Variants in PRELID2 observed in about 807,000 individuals in gnomAD.
PRELID2 encodes PRELI domain-containing protein 2.
A neutral mutation model predicts 28.4 loss-of-function variants in PRELID2; 25 were observed. The ratio of observed to expected loss-of-function variants is 0.88; its 90% CI spans 0.64 to 1.23. The LOEUF (loss-of-function observed/expected upper bound fraction) is 1.23, where lower values mean the gene tolerates loss of function less well. Ranked by LOEUF, PRELID2 falls within the 50% of genes most tolerant of loss-of-function variation. PRELID2 has a pLI of 0.00. For missense variants in PRELID2, 201 were observed against 214.4 expected, an observed-to-expected ratio of 0.94 and a Z score of 0.39; for synonymous variants, 76 against 71.6, an observed-to-expected ratio of 1.06 and a Z score of -0.31.
At chr5:145,689,297 T>C (rs542056359) in intron 1 of PRELID2, among the ~76,000 whole-genome samples, 9 of 150,828 alleles carry the variant, frequency 6.0e-5, no homozygotes, top group Admixed American at 4.0e-4. Flanking sequence ...CTTAGAGTGT[T>C]AAAAAAAAGA....
At chr5:145,262,257 T>G in the PRELID2 span, among the ~76,000 whole-genome samples, 1 of 151,922 alleles carries the variant, frequency 6.6e-6, no homozygotes, top group African/African-American at 2.4e-5. Context: ...GAAATCTAAG[T>G]TTGGAAAACA....
At chr5:145,520,361 T>C (rs942193177) in intron 1 of PRELID2, among the ~76,000 whole-genome samples, 5 of 152,208 alleles carry the variant, frequency 3.3e-5, no homozygotes, top group Non-Finnish European at 7.3e-5. Flanking sequence ...GAGGTAACAA[T>C]GACAAGCTTA....
chr5:145,466,316 A>G, the PRELID2 span, among the ~76,000 whole-genome samples: 1 of 152,080 alleles, frequency 6.6e-6, no homozygotes, highest in Non-Finnish European at 1.5e-5. Flanking sequence ...AATTAATACC[A>G]TTTTTCATTA....
intron 1 of PRELID2, among the ~76,000 whole-genome samples, chr5:145,636,978 A>T (rs775652212): frequency 6.6e-6 from 1 of 152,194 alleles, no homozygotes; most frequent in Non-Finnish European, 1.5e-5. Context: ...CAACGGAAAG[A>T]TGAAGTGAAC....
At chr5:145,697,994 AT>A (rs200439284) in intron 1 of PRELID2, among the ~76,000 whole-genome samples, 50 of 146,452 alleles carry the variant, frequency 3.4e-4, no homozygotes, top group African/African-American at 1.1e-3. Flanking sequence ...CTCAAAAAAA[AT>A]ATATATATAT....
chr5:145,300,171 AT>A, the PRELID2 span, among the ~76,000 whole-genome samples: 1 of 152,090 alleles, frequency 6.6e-6, no homozygotes, highest in Non-Finnish European at 1.5e-5. Context: ...GCCATTTCAA[AT>A]TTGCTCTTGT....
intron 1 of PRELID2, among the ~76,000 whole-genome samples, chr5:145,667,835 G>T (rs752235451): frequency 6.6e-6 from 1 of 152,076 alleles, no homozygotes; most frequent in Non-Finnish European, 1.5e-5. Context: ...AGACACACAT[G>T]CCAATTGTAG....
the PRELID2 span, among the ~76,000 whole-genome samples, chr5:145,306,474 G>T: frequency 1.8e-4 from 27 of 151,730 alleles, 1 homozygote; most frequent in East Asian, 5.2e-3. Flanking sequence ...CAGTTTAATA[G>T]AAAAATATAA....
chr5:145,777,345 G>A (rs1240538868), intron 5 of PRELID2, among the ~76,000 whole-genome samples: 1 of 152,072 alleles, frequency 6.6e-6, no homozygotes, highest in East Asian at 1.9e-4. Flanking sequence ...TGGGATTACA[G>A]GCATGCATGA....
chr5:145,507,651 A>C (rs996157110), intron 1 of PRELID2, among the ~76,000 whole-genome samples: 1 of 152,116 alleles, frequency 6.6e-6, no homozygotes, highest in Non-Finnish European at 1.5e-5. Context: ...AGTGTTTGCA[A>C]GTGCTGAGGG....
chr5:145,478,375 G>T (rs190404454), intron 1 of PRELID2, among the ~76,000 whole-genome samples: 1 of 151,936 alleles, frequency 6.6e-6, no homozygotes, highest in Non-Finnish European at 1.5e-5. Flanking sequence ...GTGAAACCCC[G>T]TCTCTACTAA....
chr5:145,461,493 G>T, the PRELID2 span, among the ~76,000 whole-genome samples: 1 of 152,178 alleles, frequency 6.6e-6, no homozygotes, highest in South Asian at 2.1e-4. Flanking sequence ...TAGTAGAGAT[G>T]GGGTTTCACC....
the PRELID2 span, among the ~76,000 whole-genome samples, chr5:145,388,360 A>T: frequency 6.6e-6 from 1 of 152,338 alleles, no homozygotes; most frequent in East Asian, 1.9e-4. Context: ...GCAAGTGAAA[A>T]CATGGAAACA....
chr5:145,692,315 T>C lies in PRELID2; in HGVS notation n.70+72616A>G, dbSNP rs138595531. On this transcript the variant is annotated intron_variant and non_coding_transcript_variant, in intron 1 of 2. Coordinates refer to the PRELID2 transcript ENST00000510259. ...CAGTCGATGGGACAGGAAAGGTTTATATGTATTTTTGTCCAGCCAATTCTA... is the reference window on the plus strand; with the variant it reads ...CAGTCGATGGGACAGGAAAGGTTTACATGTATTTTTGTCCAGCCAATTCTA... 2.2e-3 allele frequency among the ~76,000 whole-genome samples: 338 copies of C among 152,322 alleles called. 1 individual carries two copies. The highest frequency in any genetic ancestry group is 7.9e-3 in the African/African-American group (328 of 41,572).
At chr5:145,497,804 A>G (rs1752321814) in intron 1 of PRELID2, among the ~76,000 whole-genome samples, 1 of 152,350 alleles carries the variant, frequency 6.6e-6, no homozygotes, top group Admixed American at 6.5e-5. Context: ...AAGTGAACCT[A>G]ATGCTGGAGT....
At chr5:145,321,157 A>C in the PRELID2 span, among the ~76,000 whole-genome samples, 1 of 152,224 alleles carries the variant, frequency 6.6e-6, no homozygotes, top group African/African-American at 2.4e-5. Flanking sequence ...ATAGCACAGT[A>C]GCTGTGTTAG....
chr5:145,356,526 C>G, the PRELID2 span, among the ~76,000 whole-genome samples: 1 of 151,116 alleles, frequency 6.6e-6, no homozygotes, highest in South Asian at 2.1e-4. Context: ...TCTGTAATAC[C>G]TTTGTCTTTT....
At chr5:145,510,126 A>G (rs1752448725) in intron 1 of PRELID2, among the ~76,000 whole-genome samples, 1 of 152,198 alleles carries the variant, frequency 6.6e-6, no homozygotes, top group South Asian at 2.1e-4. Flanking sequence ...AATGCTCTAC[A>G]TAAAATAGCT....
intron 1 of PRELID2, among the ~76,000 whole-genome samples, chr5:145,684,370 C>T (rs1022353141): frequency 6.6e-5 from 10 of 152,254 alleles, no homozygotes; most frequent in African/African-American, 2.4e-4. Flanking sequence ...CTTCCTCTTC[C>T]TCTCTATCCA....
Sources: allele counts gnomAD v4.1 joint callset (sites outside exome capture counted in the v4.1 genomes callset), GRCh38; gene constraint gnomAD v4.1.1; transcripts MANE v1.5; gene names NCBI Gene and HGNC (gene_info 2026-07-23, HGNC 2026-07-21).